The following SFXN5 variants were observed in gnomAD, a reference collection of about 807,000 sequenced individuals.
SFXN5 encodes sideroflexin 5.
SFXN5 carries 43 observed loss-of-function variants against 50.2 expected under a neutral mutation model. That is an observed-to-expected ratio of 0.86 (90% confidence interval 0.67 to 1.11). SFXN5 has a LOEUF of 1.11. Among genes scored for constraint, SFXN5 ranks in the 50% least tolerant of loss-of-function variants. SFXN5 has a pLI of 0.00. For synonymous variants in SFXN5, 203 were observed against 185.8 expected (o/e 1.09, Z -0.75); for missense variants, 463 against 454.1 (o/e 1.02, Z -0.18).
intron 6 of SFXN5, among the ~76,000 whole-genome samples, chr2:73,009,663 C>T (rs1675240817): frequency 6.6e-6 from 1 of 152,252 alleles, no homozygotes; most frequent in Non-Finnish European, 1.5e-5. Flanking sequence ...TCTTCTTACA[C>T]CACATGCGTT....
At position 72,942,284 on chromosome 2, in the gene SFXN5, A is replaced by C. The variant is rs1039476489; in HGVS notation, c.*2738T>G. ...GCCAGAACACCAAAGAAGTCGGCTCATAACCAGGTGAAAGGGGTCCGTCGG... is the reference window on the plus strand; with the variant it reads ...GCCAGAACACCAAAGAAGTCGGCTCCTAACCAGGTGAAAGGGGTCCGTCGG... On this transcript the variant is annotated 3_prime_UTR_variant, in exon 14 of 14. Coordinates refer to ENST00000272433, the MANE Select transcript of SFXN5 (RefSeq NM_144579.3). 1 of 152,300 alleles carries C rather than the reference A, an allele frequency of 6.6e-6. No homozygotes were observed. Among genetic ancestry groups the C allele is most frequent in the African/African-American group, 2.4e-5 (1 of 41,452 alleles). 9.4% of individuals were successfully genotyped at this position (152,300 alleles called of 1,614,324 possible). A position where few individuals can be genotyped will look rare whatever the true frequency, so the allele number is the denominator to read the frequency against.
intron 8 of SFXN5, among the ~76,000 whole-genome samples, chr2:72,999,833 G>A (rs142312691): frequency 1.3e-5 from 2 of 152,206 alleles, no homozygotes; most frequent in East Asian, 1.9e-4. Flanking sequence ...CCTTTGAATT[G>A]AAGTTGGGGA....
At chr2:73,059,716 C>T in intron 1 of SFXN5, 1 of 966,178 alleles carries the variant, frequency 1.0e-6, no homozygotes, top group Middle Eastern at 5.3e-4. Flanking sequence ...CCATTCCTAA[C>T]AGAAACAGCT....
At chr2:73,064,716 G>A (rs549368704) in intron 1 of SFXN5, among the ~76,000 whole-genome samples, 1 of 152,318 alleles carries the variant, frequency 6.6e-6, no homozygotes, top group South Asian at 2.1e-4. Flanking sequence ...TGCCCCACTA[G>A]GCCTTGGTCC....
chr2:73,026,043 C>G (rs1490259083), intron 3 of SFXN5, among the ~76,000 whole-genome samples: 1 of 152,026 alleles, frequency 6.6e-6, no homozygotes, highest in Non-Finnish European at 1.5e-5. Context: ...AAATGACCCA[C>G]AAGAGGGCTG....
At chr2:73,028,541 A>G (rs1427578314) in intron 3 of SFXN5, among the ~76,000 whole-genome samples, 1 of 152,256 alleles carries the variant, frequency 6.6e-6, no homozygotes, top group Non-Finnish European at 1.5e-5. Context: ...AACATTAAAT[A>G]GCAAATAAAA....
At chr2:73,013,818 TAAATAC>T (rs1271998372) in intron 6 of SFXN5, among the ~76,000 whole-genome samples, 1 of 152,118 alleles carries the variant, frequency 6.6e-6, no homozygotes, top group Non-Finnish European at 1.5e-5. Flanking sequence ...TGAAACACTA[TAAATAC>T]AAATGAAGCA....
Position 73,038,277 on chromosome 2 carries a change from G to A in SFXN5, c.249+2577C>T, listed in dbSNP as rs538045620. Among the ~76,000 whole-genome samples the A allele has an allele frequency of 6.6e-5, 10 of 152,270 alleles. No individual in the cohort carries two copies. In the South Asian group the frequency reaches 1.5e-3, roughly 22 times the overall value. ...ATGTAAACGGTTTGTGTATATTTGT[G>A]CACAGAAACAGTTCAGTAAAAATAT... On this transcript the variant is annotated intron_variant, in intron 3 of 13. Coordinates refer to ENST00000272433, the MANE Select transcript of SFXN5 (RefSeq NM_144579.3).
intron 9 of SFXN5, 80 bp downstream of exon 9, chr2:72,998,869 G>A (rs1673566391): frequency 6.7e-7 from 1 of 1,498,652 alleles, no homozygotes; most frequent in Non-Finnish European, 9.2e-7. Context: ...CTGGCCCTCA[G>A]ACAAGCATCC....
intron 3 of SFXN5, among the ~76,000 whole-genome samples, chr2:73,027,051 AC>A (rs928361592): frequency 2.0e-5 from 3 of 150,346 alleles, no homozygotes; most frequent in African/African-American, 7.2e-5. Flanking sequence ...TAGAGTGTAT[AC>A]CTTCTATTTA....
chr2:72,970,621 C>T lies in SFXN5; in HGVS notation c.741+949G>A, dbSNP rs568956572. Among the ~76,000 whole-genome samples the T allele has an allele frequency of 9.8e-4, 149 of 151,938 alleles. 1 individual carries two copies. The highest frequency in any genetic ancestry group is 2.3e-3 in the South Asian group (11 of 4,804). The stretch of plus-strand genomic sequence containing the variant: ...GGCCAGAGACCAGGGGGCAGCAAGA[C>T]GAGCCACTAACCACCATCAGGACAA... On this transcript the variant is annotated intron_variant, in intron 11 of 13. Transcript: ENST00000272433.
rs150229907 is a variant in SFXN5, at chr2:72,968,468, G to A, written c.807C>T (p.Ile269=). 824 of 1,612,710 alleles carry A rather than the reference G, an allele frequency of 5.1e-4. No individual in the cohort carries two copies. The highest frequency in any genetic ancestry group is 4.3e-4 in the Non-Finnish European group (512 of 1,179,866). ...CTCACTTCTCCAGCATGGACATGACGATCGGGGGTAGCACCAGGATGGGCA... is the reference window on the plus strand; with the variant it reads ...CTCACTTCTCCAGCATGGACATGACAATCGGGGGTAGCACCAGGATGGGCA... ...LPMPILVLPP[I]VMSMLEKTAL... The change falls in exon 12 of 14, where the codon ATC becomes ATT. Residue 269 remains isoleucine (I), a synonymous_variant. Coordinates refer to ENST00000272433, the MANE Select transcript of SFXN5 (RefSeq NM_144579.3).
intron 6 of SFXN5, among the ~76,000 whole-genome samples, chr2:73,008,644 G>A (rs189564825): frequency 1.3e-5 from 2 of 152,220 alleles, no homozygotes; most frequent in African/African-American, 4.8e-5. Context: ...GAGAGGCCGT[G>A]TATAAGAAGC....
Position 72,992,803 on chromosome 2 carries a change from T to C in SFXN5, c.535-4455A>G, listed in dbSNP as rs1672758419. Among the ~76,000 whole-genome samples, 1 of 152,204 alleles carries C rather than the reference T, an allele frequency of 6.6e-6. No homozygotes were observed. Among genetic ancestry groups the C allele is most frequent in the Non-Finnish European group, 1.5e-5 (1 of 68,036 alleles). Reference sequence around the variant, plus strand: ...GCTCTCTACAGCAGTCGGAGTGAAGTCTGAAAACATGGCGACTTGCTTAAA... The same window carrying C: ...GCTCTCTACAGCAGTCGGAGTGAAGCCTGAAAACATGGCGACTTGCTTAAA... On this transcript the variant is annotated intron_variant, in intron 9 of 13. Coordinates refer to ENST00000272433, the MANE Select transcript of SFXN5 (RefSeq NM_144579.3). The surrounding 1 kb of genome is among the most constrained non-coding windows in gnomAD (Gnocchi z 4.5).
rs568427799 is a variant in SFXN5 at position 72,985,140 on chromosome 2, T to C, written c.625+3118A>G. On this transcript the variant is annotated intron_variant, in intron 10 of 13. Coordinates refer to ENST00000272433, the MANE Select transcript of SFXN5 (RefSeq NM_144579.3). Reference sequence around the variant, plus strand: ...TCACTGCCACTTTCCCCAACCTCCTTCCCATGTGCAGTCACTGCTCAGTGA... The same window carrying C: ...TCACTGCCACTTTCCCCAACCTCCTCCCCATGTGCAGTCACTGCTCAGTGA... Among the ~76,000 whole-genome samples, 10 of 152,204 alleles carry C rather than the reference T, an allele frequency of 6.6e-5. No individual in the cohort carries two copies. In the East Asian group the frequency reaches 1.9e-3, roughly 29 times the overall value.
chr2:72,951,162 G>T (rs1328840346), intron 13 of SFXN5, among the ~76,000 whole-genome samples: 1 of 152,174 alleles, frequency 6.6e-6, no homozygotes, highest in Non-Finnish European at 1.5e-5. Flanking sequence ...ACCCTGCCCT[G>T]CCATGAAGGA....
chr2:72,952,616 A>T (rs1031118415), intron 13 of SFXN5, among the ~76,000 whole-genome samples: 1 of 152,136 alleles, frequency 6.6e-6, no homozygotes, highest in Non-Finnish European at 1.5e-5. Context: ...ACCATTTTGG[A>T]GCTTTGCACC....
rs1035208711 is a variant in SFXN5, at chr2:73,001,972, A to AG, written c.358-395dup. Among the ~76,000 whole-genome samples, 12 of 152,328 alleles carry AG rather than the reference A, an allele frequency of 7.9e-5. No homozygotes were observed. In the East Asian group the frequency reaches 1.7e-3, roughly 22 times the overall value. On this transcript the variant is annotated intron_variant, in intron 6 of 13. Coordinates refer to ENST00000272433, the MANE Select transcript of SFXN5 (RefSeq NM_144579.3). ...ACAGACATGTATTATTTCCACAATT[A>AG]GGGGGGCAATAAAAACAAGCAAACA...
chr2:73,065,951 T>C (rs1336373998), intron 1 of SFXN5, among the ~76,000 whole-genome samples: 1 of 152,110 alleles, frequency 6.6e-6, no homozygotes, highest in African/African-American at 2.4e-5. Flanking sequence ...GCAAACATGG[T>C]GTCTGGGCCG....
Sources: allele counts gnomAD v4.1 joint callset (sites outside exome capture counted in the v4.1 genomes callset), GRCh38; gene constraint gnomAD v4.1.1; non-coding constraint Gnocchi (gnomAD v3.1); transcripts MANE v1.5; gene names NCBI Gene and HGNC (gene_info 2026-07-23, HGNC 2026-07-21).